Variants in PTK2 observed in about 807,000 individuals in gnomAD.
PTK2 encodes the protein protein tyrosine kinase 2.
In PTK2, 45 loss-of-function variants were observed where a neutral mutation model predicts 150.1. That is an observed-to-expected ratio of 0.30 (90% CI 0.24 to 0.38). PTK2 has a LOEUF of 0.38. PTK2 is among the 10% of genes least tolerant of loss of function. PTK2 has a pLI of 1.00. For synonymous variants in PTK2, 432 were observed against 449.2 expected (o/e 0.96, Z 0.48); for missense variants, 919 against 1,307.3 (o/e 0.70, Z 4.58).
At chr8:140,964,936 C>G (rs1422977687) in intron 1 of PTK2, among the ~76,000 whole-genome samples, 1 of 152,110 alleles carries the variant, frequency 6.6e-6, no homozygotes, top group African/African-American at 2.4e-5. Context: ...CTCTTTCTCT[C>G]CAAAAGACAG....
chr8:140,803,393 T>A (rs758578406), intron 11 of PTK2, 150 bp downstream of exon 11: 4 of 677,694 alleles, frequency 5.9e-6, no homozygotes, highest in Non-Finnish European at 1.0e-5. Context: ...ATTTAATCAT[T>A]ATTGTTTCTA....
At chr8:140,730,104 C>G (rs2100048331) in intron 22 of PTK2, among the ~76,000 whole-genome samples, 2 of 152,132 alleles carry the variant, frequency 1.3e-5, no homozygotes, top group African/African-American at 4.8e-5. Flanking sequence ...TAAAAATATT[C>G]CTAAAGAGCT....
intron 2 of PTK2, among the ~76,000 whole-genome samples, chr8:140,911,063 G>C (rs1021559711): frequency 8.5e-6 from 1 of 118,174 alleles, no homozygotes; most frequent in Non-Finnish European, 1.8e-5. Flanking sequence ...TTTTTTTTTT[G>C]TATTTTTTGT....
At position 140,859,118 on chromosome 8, in the gene PTK2, C is replaced by T. The variant is rs375098630; in HGVS notation, c.450+5194G>A. On this transcript the variant is annotated intron_variant, in intron 5 of 31. Transcript: ENST00000522684. ...AAACAGAAAATACTCAAGCTAATGA[C>T]AGGAATAGAGAAGTCTATGGGAGAA... Among the ~76,000 whole-genome samples, 7 of 152,150 alleles carry T rather than the reference C, an allele frequency of 4.6e-5. No individual in the cohort carries two copies. The East Asian group carries it at 9.7e-4, about 21-fold the overall frequency.
chr8:140,767,064 T>G (rs1565943725), intron 14 of PTK2, among the ~76,000 whole-genome samples: 2 of 152,226 alleles, frequency 1.3e-5, no homozygotes, highest in Non-Finnish European at 2.9e-5. Flanking sequence ...CCAATCTTTT[T>G]GGTTTGACAG....
chr8:140,890,439 C>A (rs753371383), intron 3 of PTK2, 104 bp downstream of exon 3: 134 of 926,924 alleles, frequency 1.4e-4, no homozygotes, highest in Non-Finnish European at 2.0e-4. Context: ...ATGAAAAGTC[C>A]CCGATAAGTT....
intron 5 of PTK2, among the ~76,000 whole-genome samples, chr8:140,860,299 T>C (rs1209043911): frequency 6.6e-6 from 1 of 152,218 alleles, no homozygotes; most frequent in East Asian, 1.9e-4. Flanking sequence ...TTATTTCTTT[T>C]GAATAAATTC....
intron 2 of PTK2, among the ~76,000 whole-genome samples, chr8:140,893,153 C>T (rs527487994): frequency 2.0e-5 from 3 of 152,112 alleles, no homozygotes; most frequent in Non-Finnish European, 4.4e-5. Flanking sequence ...CATGGCGAAA[C>T]CCCATCTCTA....
intron 1 of PTK2, among the ~76,000 whole-genome samples, chr8:140,930,600 A>G (rs1453895091): frequency 1.3e-5 from 2 of 152,198 alleles, no homozygotes; most frequent in African/African-American, 4.8e-5. Context: ...TCTAATTTTG[A>G]AACATTTTCT....
At chr8:140,980,340 G>A (rs373297753) in intron 1 of PTK2, among the ~76,000 whole-genome samples, 26 of 152,314 alleles carry the variant, frequency 1.7e-4, no homozygotes, top group African/African-American at 4.3e-4. Context: ...AAGTTCGGCC[G>A]GGCACGGTGG....
intron 7 of PTK2, among the ~76,000 whole-genome samples, chr8:140,845,054 G>A (rs550441837): frequency 1.3e-5 from 2 of 152,182 alleles, no homozygotes; most frequent in South Asian, 4.2e-4. Context: ...TGTCTCCATG[G>A]CCACTGCTTC....
chr8:140,980,900 G>A (rs1041569121), intron 1 of PTK2, among the ~76,000 whole-genome samples: 1 of 149,384 alleles, frequency 6.7e-6, no homozygotes, highest in Non-Finnish European at 1.5e-5. Context: ...ACAGGTGCCC[G>A]CCACCATGGC....
intron 1 of PTK2, among the ~76,000 whole-genome samples, chr8:140,935,278 G>A (rs549020128): frequency 1.3e-5 from 2 of 152,144 alleles, no homozygotes; most frequent in African/African-American, 4.8e-5. Flanking sequence ...CTGTGGAAAA[G>A]AAAAAATGAT....
chr8:140,840,762 C>T (rs762868092), intron 7 of PTK2, among the ~76,000 whole-genome samples: 1 of 152,084 alleles, frequency 6.6e-6, no homozygotes, highest in Non-Finnish European at 1.5e-5. Flanking sequence ...CAATATATCA[C>T]GCATCCTAAG....
intron 1 of PTK2, among the ~76,000 whole-genome samples, chr8:140,959,374 CAAA>C (rs1177295670): frequency 8.2e-6 from 1 of 121,894 alleles, no homozygotes. Context: ...ACTAAAAATA[CAAA>C]AAAAAAAAAA....
intron 16 of PTK2, among the ~76,000 whole-genome samples, chr8:140,754,111 G>A (rs929270224): frequency 6.6e-6 from 1 of 152,222 alleles, no homozygotes; most frequent in Non-Finnish European, 1.5e-5. Context: ...AATGGTAAGA[G>A]AACTGTATCA....
intron 1 of PTK2, among the ~76,000 whole-genome samples, chr8:140,970,854 C>T (rs1326854420): frequency 3.7e-5 from 2 of 53,498 alleles, no homozygotes; most frequent in Non-Finnish European, 1.6e-4. Flanking sequence ...TGTCTGACTA[C>T]AACATGTCTG....
intron 23 of PTK2, among the ~76,000 whole-genome samples, chr8:140,714,144 T>TC (rs1317626060): frequency 6.6e-6 from 1 of 152,130 alleles, no homozygotes; most frequent in Non-Finnish European, 1.5e-5. Context: ...TACCTCAGTC[T>TC]CCCAAAGCAC....
chr8:140,976,466 T>C lies in PTK2; in HGVS notation c.-122+24659A>G, dbSNP rs536973786. On this transcript the variant is annotated intron_variant, in intron 1 of 31. Transcript: ENST00000522684. ...ACCACAAGCTAAAAATTTTCTCTTT[T>C]CCTTAAGAATCAGTCCTTGGGAAAG... 1.1e-3 allele frequency among the ~76,000 whole-genome samples: 161 copies of C among 152,358 alleles called. 1 individual carries two copies. Among genetic ancestry groups the C allele is most frequent in the African/African-American group, 3.8e-3 (158 of 41,582 alleles).
Sources: gnomAD v4.1 joint callset for allele counts (sites outside exome capture counted in the v4.1 genomes callset) on GRCh38, gnomAD v4.1.1 for gene constraint, MANE v1.5 for transcripts, NCBI Gene and HGNC (gene_info 2026-07-23, HGNC 2026-07-21) for gene names.